The following EZR variants were observed in gnomAD, a reference collection of about 807,000 sequenced individuals.
EZR encodes cytovillin 2.
EZR carries 40 observed loss-of-function variants against 74.8 expected under a neutral mutation model. The observed-to-expected ratio is 0.53, with a 90% CI of 0.42 to 0.70. The LOEUF is 0.70. Among genes scored for constraint, EZR ranks in the 30% least tolerant of loss-of-function variants. The pLI is 0.00. For missense variants in EZR, 678 were observed against 755.8 expected, an observed-to-expected ratio of 0.90 and a Z score of 1.21; for synonymous variants, 341 against 283.3, an observed-to-expected ratio of 1.20 and a Z score of -2.05.
At chr6:158,784,876 C>T in intron 5 of EZR, 149 bp from the exon 6 acceptor site, 1 of 665,598 alleles carries the variant, frequency 1.5e-6, no homozygotes. Context: ...TGATGTGCAG[C>T]ATTTCTATTT....
chr6:158,774,806 C>T (rs1038347954), intron 8 of EZR, among the ~76,000 whole-genome samples: 4 of 151,622 alleles, frequency 2.6e-5, no homozygotes, highest in African/African-American at 9.7e-5. Flanking sequence ...TCACAGAGTA[C>T]GTAGTAGCCT....
chr6:158,802,693 A>G (rs934427330), intron 2 of EZR, among the ~76,000 whole-genome samples: 3 of 151,108 alleles, frequency 2.0e-5, no homozygotes, highest in African/African-American at 4.9e-5. Flanking sequence ...CACCACGCCC[A>G]GCTAATTTTT....
chr6:158,803,568 T>TAAAAA (rs1562504428), intron 2 of EZR, among the ~76,000 whole-genome samples: 3 of 7,642 alleles, frequency 3.9e-4, no homozygotes, highest in Non-Finnish European at 5.4e-4. Context: ...TATATATATA[T>TAAAAA]ATATATATAT....
chr6:158,767,573 A>G, intron 12 of EZR, 61 bp from the exon 13 acceptor site: 1 of 1,506,498 alleles, frequency 6.6e-7, no homozygotes, highest in Non-Finnish European at 8.9e-7. Flanking sequence ...CCTGGCTATG[A>G]GAACAGACTG....
intron 8 of EZR, among the ~76,000 whole-genome samples, chr6:158,774,349 T>C (rs1791205138): frequency 6.6e-6 from 1 of 152,134 alleles, no homozygotes; most frequent in Non-Finnish European, 1.5e-5. Context: ...CTCACCCCCA[T>C]CTTCTGATCC....
chr6:158,815,610 C>T (rs186702753), intron 2 of EZR, among the ~76,000 whole-genome samples: 227 of 152,272 alleles, frequency 1.5e-3, no homozygotes, highest in African/African-American at 5.0e-3. Context: ...TCAGTCAGAG[C>T]GCCAGCCACC....
rs1310244671 is a variant in EZR at position 158,770,750 on chromosome 6, C to G, written c.1090+14G>C. The G allele has an allele frequency of 2.2e-5, 35 of 1,613,956 alleles. No individual in the cohort carries two copies. Among genetic ancestry groups the G allele is most frequent in the Non-Finnish European group, 3.0e-5 (35 of 1,180,022 alleles). On this transcript the variant is annotated intron_variant, in intron 10 of 13. Coordinates refer to ENST00000367075, the MANE Select transcript of EZR (RefSeq NM_001111077.2). ...CATGACCCAGTGTAGAGTGCCAGCC[C>G]CAGGGCGCCTGACCTCTCTCTGCCT...
chr6:158,814,451 C>T (rs1327836949), intron 2 of EZR, among the ~76,000 whole-genome samples: 3 of 152,076 alleles, frequency 2.0e-5, no homozygotes, highest in Non-Finnish European at 4.4e-5. Flanking sequence ...GCATTTACCC[C>T]GCATCTTGGC....
intron 2 of EZR, among the ~76,000 whole-genome samples, chr6:158,799,215 G>GA (rs920063213): frequency 1.3e-4 from 20 of 151,884 alleles, no homozygotes; most frequent in Non-Finnish European, 2.1e-4. Flanking sequence ...TTGAACATGT[G>GA]AAAAAAAATC....
At chr6:158,789,725 G>A (rs1583572701) in intron 2 of EZR, among the ~76,000 whole-genome samples, 1 of 152,198 alleles carries the variant, frequency 6.6e-6, no homozygotes, top group Non-Finnish European at 1.5e-5. Context: ...TCACACGAAC[G>A]CCTCCCACCT....
chr6:158,790,129 G>A (rs529552594), intron 2 of EZR, among the ~76,000 whole-genome samples: 24 of 152,204 alleles, frequency 1.6e-4, no homozygotes, highest in African/African-American at 5.8e-4. Flanking sequence ...AATGTCCAAA[G>A]ACACATCAAA....
At chr6:158,806,529 A>C (rs1181362063) in intron 2 of EZR, among the ~76,000 whole-genome samples, 1 of 146,060 alleles carries the variant, frequency 6.8e-6, no homozygotes, top group Non-Finnish European at 1.5e-5. Context: ...TCATTATTTC[A>C]CTTGTAAAAA....
intron 2 of EZR, among the ~76,000 whole-genome samples, chr6:158,808,475 T>C (rs1035842750): frequency 6.0e-5 from 9 of 149,898 alleles, no homozygotes; most frequent in Admixed American, 1.3e-4. Context: ...TTACATTTAC[T>C]TACTACATTA....
chr6:158,809,936 C>T (rs374374276), intron 2 of EZR, among the ~76,000 whole-genome samples: 1 of 152,176 alleles, frequency 6.6e-6, no homozygotes, highest in Non-Finnish European at 1.5e-5. Flanking sequence ...GATAGTTTAC[C>T]TACCCCATCC....
chr6:158,816,014 T>C (rs1777545813), intron 2 of EZR, among the ~76,000 whole-genome samples: 2 of 152,240 alleles, frequency 1.3e-5, no homozygotes, highest in South Asian at 4.1e-4. Context: ...AAGGGAGTTC[T>C]GACATTGCAA....
At chr6:158,770,319 C>T (rs1220204903) in intron 10 of EZR, among the ~76,000 whole-genome samples, 1 of 152,184 alleles carries the variant, frequency 6.6e-6, no homozygotes, top group Non-Finnish European at 1.5e-5. Context: ...GCATCTGTGG[C>T]GCCTTGTGTA....
At chr6:158,798,622 CT>C (rs147757313) in intron 2 of EZR, among the ~76,000 whole-genome samples, 4,894 of 121,644 alleles carry the variant, frequency 0.04, 161 homozygotes, top group African/African-American at 0.069. Context: ...TGCTGCTCCG[CT>C]TTTTTTTTTT....
At chr6:158,788,008 G>A (rs1421009588) in intron 3 of EZR, among the ~76,000 whole-genome samples, 1 of 152,154 alleles carries the variant, frequency 6.6e-6, no homozygotes, top group East Asian at 1.9e-4. Flanking sequence ...CATCTAAACC[G>A]AGTCCCAGAC....
intron 2 of EZR, among the ~76,000 whole-genome samples, chr6:158,796,000 A>G (rs1247996874): frequency 1.3e-5 from 2 of 152,200 alleles, no homozygotes; most frequent in African/African-American, 4.8e-5. Flanking sequence ...CTAGGTTCAA[A>G]GCCCACAGGC....
Sources: gnomAD v4.1 joint callset for allele counts (sites outside exome capture counted in the v4.1 genomes callset) on GRCh38, gnomAD v4.1.1 for gene constraint, MANE v1.5 for transcripts, NCBI Gene and HGNC (gene_info 2026-07-23, HGNC 2026-07-21) for gene names.